RALYL: variants seen among roughly 807,000 people sequenced by gnomAD.
RALYL encodes RNA-binding Raly-like protein.
In RALYL, 29 loss-of-function variants were observed where a neutral mutation model predicts 35.1. The ratio of observed to expected loss-of-function variants is 0.83; its 90% CI spans 0.61 to 1.13. The LOEUF (loss-of-function observed/expected upper bound fraction) is 1.13. RALYL is among the 50% of genes most tolerant of loss of function. The pLI, the probability that RALYL is intolerant of heterozygous loss-of-function variation, is 0.00. For missense variants in RALYL, 359 were observed against 360.4 expected, an observed-to-expected ratio of 1.00 and a Z score of 0.03; for synonymous variants, 120 against 127.6, an observed-to-expected ratio of 0.94 and a Z score of 0.40.
At chr8:84,823,287 G>A (rs1351124330) in intron 4 of RALYL, among the ~76,000 whole-genome samples, 1 of 152,098 alleles carries the variant, frequency 6.6e-6, no homozygotes, top group Non-Finnish European at 1.5e-5. Context: ...TAATGAACAG[G>A]ACAAAACAAA....
At chr8:84,206,557 G>A (rs557123036) in intron 1 of RALYL, among the ~76,000 whole-genome samples, 75 of 152,254 alleles carry the variant, frequency 4.9e-4, no homozygotes, top group African/African-American at 1.8e-3. Context: ...TATGAATTCC[G>A]TTTTTCAAGT....
intron 1 of RALYL, among the ~76,000 whole-genome samples, chr8:84,525,953 C>CTTTTTTTTTTTTTTTTT (rs35794329): frequency 4.8e-5 from 5 of 104,868 alleles, no homozygotes; most frequent in African/African-American, 1.2e-4. Context: ...TTTCTTTTTT[C>CTTTTTTTTTTTTTTTTT]TTTTTTTTTT....
At chr8:84,562,880 G>T (rs2061553994) in intron 2 of RALYL, among the ~76,000 whole-genome samples, 1 of 151,900 alleles carries the variant, frequency 6.6e-6, no homozygotes, top group South Asian at 2.1e-4. Flanking sequence ...GAGAGACCTT[G>T]GGCACGAGAC....
At chr8:84,201,718 A>G (rs1174713648) in intron 1 of RALYL, among the ~76,000 whole-genome samples, 6 of 151,970 alleles carry the variant, frequency 3.9e-5, no homozygotes, top group African/African-American at 1.5e-4. Flanking sequence ...GTGTGCCACC[A>G]TGACCAGCTG....
At chr8:84,367,323 T>TTTTGTTTTTG in intron 1 of RALYL, among the ~76,000 whole-genome samples, 2 of 13,540 alleles carry the variant, frequency 1.5e-4, no homozygotes, top group African/African-American at 7.0e-4. Flanking sequence ...TTTGTATTTT[T>TTTTGTTTTTG]TTTTTTTTTT....
chr8:84,605,521 C>T (rs1032107722), intron 2 of RALYL, among the ~76,000 whole-genome samples: 16 of 152,044 alleles, frequency 1.1e-4, no homozygotes, highest in African/African-American at 3.6e-4. Context: ...TTTGAGGAGC[C>T]TCTCACTTAA....
intron 1 of RALYL, among the ~76,000 whole-genome samples, chr8:84,494,857 A>T (rs1432086129): frequency 6.6e-6 from 1 of 151,956 alleles, no homozygotes; most frequent in Non-Finnish European, 1.5e-5. Flanking sequence ...AGACAATTTG[A>T]CTTCCTCTCT....
chr8:84,647,837 T>C (rs577403112), intron 2 of RALYL, among the ~76,000 whole-genome samples: 2 of 152,222 alleles, frequency 1.3e-5, no homozygotes, highest in African/African-American at 4.8e-5. Context: ...AAGACAGCTA[T>C]GAAAGAGCTT....
At chr8:84,422,068 G>T (rs1442829276) in intron 1 of RALYL, among the ~76,000 whole-genome samples, 2 of 151,880 alleles carry the variant, frequency 1.3e-5, no homozygotes, top group African/African-American at 4.8e-5. Context: ...CTCATAAAAT[G>T]AGTTAGGGAG....
chr8:84,546,835 G>A (rs1025880669), intron 2 of RALYL, among the ~76,000 whole-genome samples: 1 of 152,156 alleles, frequency 6.6e-6, no homozygotes, highest in Non-Finnish European at 1.5e-5. Flanking sequence ...TATTTCTTCA[G>A]TAATAATTGT....
intron 2 of RALYL, among the ~76,000 whole-genome samples, chr8:84,733,719 A>G (rs116235656): frequency 1.9e-3 from 292 of 152,232 alleles, no homozygotes; most frequent in African/African-American, 6.9e-3. Flanking sequence ...GATTTACATT[A>G]TATGGTTGTT....
chr8:84,482,349 G>A (rs908605786), intron 1 of RALYL, among the ~76,000 whole-genome samples: 1 of 152,000 alleles, frequency 6.6e-6, no homozygotes, highest in Non-Finnish European at 1.5e-5. Context: ...TGCTGATCTG[G>A]TTATAGTGAA....
chr8:84,529,631 G>C (rs1350235680), intron 2 of RALYL, 54 bp downstream of exon 2: 83 of 1,533,162 alleles, frequency 5.4e-5, no homozygotes, highest in Admixed American at 1.8e-5. Flanking sequence ...TCTGGAAATT[G>C]TTTTATTTCA....
Position 84,491,666 on chromosome 8 carries a change from C to A in RALYL, c.-23-37633C>A, listed in dbSNP as rs116862533. Among the ~76,000 whole-genome samples the A allele has an allele frequency of 1.2e-3, 183 of 152,022 alleles. No individual in the cohort carries two copies. In the East Asian group the frequency reaches 0.034, roughly 28 times the overall value. ...AGAAGGAAGCTCAGGAAAAAATAAA[C>A]AAACAAACAAAACAACTTTTTGCTA... On this transcript the variant is annotated intron_variant, in intron 1 of 8. Coordinates refer to ENST00000521268, the MANE Select transcript of RALYL (RefSeq NM_173848.7).
chr8:84,722,617 T>TATATATATATATATATATATATATA (rs1554546342), intron 2 of RALYL, among the ~76,000 whole-genome samples: 6 of 97,408 alleles, frequency 6.2e-5, no homozygotes, highest in Admixed American at 1.0e-4. Context: ...TAGAGTGATT[T>TATATATATATATATATATATATATA]TATATATATA....
chr8:84,821,097 T>C (rs1156973095), intron 4 of RALYL, among the ~76,000 whole-genome samples: 1 of 152,206 alleles, frequency 6.6e-6, no homozygotes, highest in Non-Finnish European at 1.5e-5. Context: ...CATTTCTCTT[T>C]GTTTTAGCTC....
chr8:84,621,980 A>G (rs967929669), intron 2 of RALYL, among the ~76,000 whole-genome samples: 3 of 152,222 alleles, frequency 2.0e-5, no homozygotes, highest in African/African-American at 7.2e-5. Flanking sequence ...CATCTGCATA[A>G]TTATTAATTA....
intron 4 of RALYL, among the ~76,000 whole-genome samples, chr8:84,846,180 T>C (rs1834608723): frequency 6.6e-6 from 1 of 152,166 alleles, no homozygotes; most frequent in Non-Finnish European, 1.5e-5. Context: ...CTTTAAAAAA[T>C]GATGTTGGTA....
chr8:84,196,986 G>T (rs1173217142), intron 1 of RALYL, among the ~76,000 whole-genome samples: 1 of 152,174 alleles, frequency 6.6e-6, no homozygotes, highest in African/African-American at 2.4e-5. Context: ...TAATGCAATT[G>T]TCAGAAATTG....
Sources: allele counts gnomAD v4.1 joint callset (sites outside exome capture counted in the v4.1 genomes callset), GRCh38; gene constraint gnomAD v4.1.1; transcripts MANE v1.5; gene names NCBI Gene and HGNC (gene_info 2026-07-23, HGNC 2026-07-21).